DAAM1: variants seen among roughly 807,000 people sequenced by gnomAD.
The protein encoded by DAAM1 is dishevelled associated activator of morphogenesis 1, also known as disheveled-associated activator of morphogenesis 1.
A neutral mutation model predicts 130.0 loss-of-function variants in DAAM1; 52 were observed. That is an observed-to-expected ratio of 0.40 (90% CI 0.32 to 0.50). DAAM1 has a LOEUF of 0.50. Among genes scored for constraint, DAAM1 ranks in the 20% least tolerant of loss-of-function variants. The pLI, the probability that DAAM1 is intolerant of heterozygous loss-of-function variation, is 0.61. For missense variants in DAAM1, 1,134 were observed against 1,303.8 expected (o/e 0.87, Z 2.01); for synonymous variants, 452 against 444.5 (o/e 1.02, Z -0.21).
intron 24 of DAAM1, 139 bp from the exon 25 acceptor site, chr14:59,368,511 T>G: frequency 1.2e-6 from 1 of 838,350 alleles, no homozygotes; most frequent in Non-Finnish European, 1.8e-6. Context: ...CCCCCTTTCT[T>G]GTGATATCCA....
intron 16 of DAAM1, among the ~76,000 whole-genome samples, chr14:59,346,867 TG>T (rs1177536958): frequency 3.3e-5 from 5 of 152,370 alleles, no homozygotes; most frequent in Non-Finnish European, 4.4e-5. Flanking sequence ...TTTGTATTTT[TG>T]CTTAAATCCT....
At chr14:59,333,227 A>G (rs1885507802) in intron 15 of DAAM1, among the ~76,000 whole-genome samples, 1 of 152,196 alleles carries the variant, frequency 6.6e-6, no homozygotes, top group Non-Finnish European at 1.5e-5. Flanking sequence ...AAATACAAAA[A>G]TAGAGGCGGT....
chr14:59,273,459 A>C (rs1170511493), intron 2 of DAAM1, among the ~76,000 whole-genome samples: 1 of 152,258 alleles, frequency 6.6e-6, no homozygotes, highest in Non-Finnish European at 1.5e-5. Context: ...CTATAAAACT[A>C]TCTCTGAATT....
chr14:59,214,065 G>T (rs774554881), intron 1 of DAAM1, among the ~76,000 whole-genome samples: 27 of 152,216 alleles, frequency 1.8e-4, no homozygotes, highest in Non-Finnish European at 7.3e-5. Flanking sequence ...CATCTGAGGC[G>T]TTAGCACAAA....
At chr14:59,354,007 C>T (rs1886380557) in intron 19 of DAAM1, 43 bp downstream of exon 19, 2 of 1,578,064 alleles carry the variant, frequency 1.3e-6, no homozygotes, top group South Asian at 1.1e-5. Flanking sequence ...TTCATCATTA[C>T]AACCCATTTA....
At chr14:59,286,509 T>G (rs994050489) in intron 2 of DAAM1, among the ~76,000 whole-genome samples, 6 of 151,970 alleles carry the variant, frequency 3.9e-5, no homozygotes, top group African/African-American at 1.4e-4. Context: ...CTTGGAAAGA[T>G]TAAACAAGAT....
At chr14:59,200,369 A>G (rs1253219178) in intron 1 of DAAM1, among the ~76,000 whole-genome samples, 1 of 152,272 alleles carries the variant, frequency 6.6e-6, no homozygotes, top group South Asian at 2.1e-4. Flanking sequence ...TAGAAAAAAA[A>G]CCTTAAGCTT....
intron 19 of DAAM1, 116 bp downstream of exon 19, chr14:59,354,080 A>G: frequency 2.2e-6 from 2 of 906,176 alleles, no homozygotes; most frequent in Non-Finnish European, 3.3e-6. Flanking sequence ...TTTTTTTTTG[A>G]GACGGAGTCT....
intron 4 of DAAM1, among the ~76,000 whole-genome samples, chr14:59,319,921 AAC>A (rs10566854): frequency 0.73 from 109,657 of 150,170 alleles, 41,484 homozygotes; most frequent in East Asian, 0.89. Context: ...CCTGGGTAGA[AAC>A]ACACACACAC....
chr14:59,330,374 G>C, intron 12 of DAAM1, 127 bp from the exon 13 acceptor site: 1 of 852,634 alleles, frequency 1.2e-6, no homozygotes, highest in South Asian at 2.2e-5. Context: ...ATGGAGAAGA[G>C]GAATAATATT....
rs147126135 is a variant in DAAM1, at chr14:59,329,306, A to G, written c.1373-1195A>G. On this transcript the variant is annotated intron_variant, in intron 12 of 24. Transcript: ENST00000360909. Reference sequence around the variant, plus strand: ...CTAGTCCTGAAATTGTGAAAGAAGAATGAAATGGAGATAAAAGAAGGAAAA... The same window carrying G: ...CTAGTCCTGAAATTGTGAAAGAAGAGTGAAATGGAGATAAAAGAAGGAAAA... Among the ~76,000 whole-genome samples the G allele has an allele frequency of 5.4e-4, 82 of 152,328 alleles. 1 individual carries two copies. The East Asian group carries it at 0.01, about 19-fold the overall frequency.
intron 1 of DAAM1, among the ~76,000 whole-genome samples, chr14:59,227,296 C>A (rs1888971503): frequency 6.6e-6 from 1 of 152,036 alleles, no homozygotes; most frequent in Non-Finnish European, 1.5e-5. Context: ...CTTTTCTTTG[C>A]CCCTTACTCC....
chr14:59,368,285 C>T (rs1958181), intron 24 of DAAM1, among the ~76,000 whole-genome samples: 58,382 of 151,976 alleles, frequency 0.38, 13,574 homozygotes, highest in East Asian at 0.84. Flanking sequence ...GGAAAATGGC[C>T]TGATGACCAT....
chr14:59,353,836 T>C, intron 18 of DAAM1, 40 bp from the exon 19 acceptor site: 2 of 1,593,104 alleles, frequency 1.3e-6, no homozygotes, highest in Non-Finnish European at 1.7e-6. Context: ...AACCTAGATA[T>C]ATTAAATGAA....
chr14:59,364,421 A>C (rs958746445), intron 23 of DAAM1, among the ~76,000 whole-genome samples: 9 of 152,112 alleles, frequency 5.9e-5, no homozygotes, highest in African/African-American at 1.9e-4. Context: ...GTTGGTTAAT[A>C]ACCACCACCT....
At chr14:59,286,012 A>G (rs1300484159) in intron 2 of DAAM1, among the ~76,000 whole-genome samples, 2 of 152,164 alleles carry the variant, frequency 1.3e-5, no homozygotes, top group African/African-American at 4.8e-5. Context: ...GATCAACCAC[A>G]TATTCAGCCA....
At position 59,319,604 on chromosome 14, in the gene DAAM1, G is replaced by A. The variant is rs76753964; in HGVS notation, c.346-886G>A. ...AGAATAGGATGAAGAAAAGGGACCA[G>A]GAGCTCCATGGATGGAGGATCCTGG... On this transcript the variant is annotated intron_variant, in intron 4 of 24. Coordinates refer to ENST00000360909, the MANE Select transcript of DAAM1 (RefSeq NM_001270520.2). 3.1e-3 allele frequency among the ~76,000 whole-genome samples: 469 copies of A among 152,298 alleles called. 3 individuals carry two copies. Among genetic ancestry groups the A allele is most frequent in the African/African-American group, 0.01 (426 of 41,562 alleles).
At chr14:59,363,141 AAAAATGGTACATT>A (rs1158089376) in intron 22 of DAAM1, 1 of 156,740 alleles carries the variant, frequency 6.4e-6, no homozygotes, top group African/African-American at 2.4e-5. Flanking sequence ...TGGACAAGAG[AAAAATGGTACATT>A]ATGGTGCCAA....
chr14:59,278,051 CTAA>C (rs1437998299), intron 2 of DAAM1, among the ~76,000 whole-genome samples: 2 of 152,046 alleles, frequency 1.3e-5, no homozygotes, highest in Non-Finnish European at 2.9e-5. Flanking sequence ...ACAACAATAA[CTAA>C]TAATAAAATA....
Sources: allele counts gnomAD v4.1 joint callset (sites outside exome capture counted in the v4.1 genomes callset), GRCh38; gene constraint gnomAD v4.1.1; transcripts MANE v1.5; gene names NCBI Gene and HGNC (gene_info 2026-07-23, HGNC 2026-07-21).